The following DPP6 variants were observed in gnomAD, a reference collection of about 807,000 sequenced individuals.
DPP6 encodes the protein A-type potassium channel modulatory protein DPP6.
Under a neutral mutation model 122.6 loss-of-function variants are expected in DPP6, and 69 were observed. The ratio of observed to expected loss-of-function variants is 0.56; its 90% CI spans 0.46 to 0.69. The LOEUF is 0.69. DPP6 is among the 30% of genes least tolerant of loss of function. The pLI, the probability that DPP6 is intolerant of heterozygous loss-of-function variation, is 0.00. For missense variants in DPP6, 928 were observed against 1,116.9 expected (o/e 0.83, Z 2.41); for synonymous variants, 418 against 433.1 (o/e 0.97, Z 0.43).
intron 10 of DPP6, among the ~76,000 whole-genome samples, chr7:154,782,075 C>T (rs919847041): frequency 6.6e-6 from 1 of 152,208 alleles, no homozygotes; most frequent in Non-Finnish European, 1.5e-5. Context: ...TGCTCCCCCA[C>T]GTAATCCATG....
intron 5 of DPP6, among the ~76,000 whole-genome samples, chr7:154,593,330 A>G (rs1206015808): frequency 2.6e-5 from 4 of 152,206 alleles, no homozygotes; most frequent in African/African-American, 9.6e-5. Flanking sequence ...TTGCATGGTT[A>G]ATAATTCTGA....
intron 1 of DPP6, among the ~76,000 whole-genome samples, chr7:154,147,082 G>T (rs1796129095): frequency 6.6e-6 from 1 of 151,972 alleles, no homozygotes; most frequent in Non-Finnish European, 1.5e-5. Context: ...TCTCCTGTCT[G>T]AAAAAACAGG....
At chr7:154,334,741 C>CA (rs1809251996) in intron 1 of DPP6, among the ~76,000 whole-genome samples, 1 of 152,048 alleles carries the variant, frequency 6.6e-6, no homozygotes, top group Non-Finnish European at 1.5e-5. Context: ...ACTAAAAATA[C>CA]AAAAAATAGC....
chr7:154,377,132 C>A (rs1475433517), intron 1 of DPP6, among the ~76,000 whole-genome samples: 1 of 152,164 alleles, frequency 6.6e-6, no homozygotes, highest in Non-Finnish European at 1.5e-5. Context: ...CTCTCTAAGG[C>A]AGGTATTCTT....
chr7:154,675,054 C>T (rs1838799604), intron 7 of DPP6, among the ~76,000 whole-genome samples: 1 of 152,114 alleles, frequency 6.6e-6, no homozygotes, highest in Non-Finnish European at 1.5e-5. Flanking sequence ...AATAGTTTTC[C>T]ACAGAAGGTC....
At chr7:154,374,229 G>T (rs1313472549) in intron 1 of DPP6, among the ~76,000 whole-genome samples, 1 of 152,164 alleles carries the variant, frequency 6.6e-6, no homozygotes, top group Non-Finnish European at 1.5e-5. Flanking sequence ...ATTATTTCAT[G>T]TTTACGAGAT....
intron 10 of DPP6, among the ~76,000 whole-genome samples, chr7:154,778,935 A>C (rs886418077): frequency 3.7e-5 from 5 of 136,088 alleles, no homozygotes; most frequent in African/African-American, 1.4e-4. Flanking sequence ...CACAACCTCT[A>C]CAACTTCCAC....
chr7:154,279,067 G>A (rs1585813262), intron 1 of DPP6, among the ~76,000 whole-genome samples: 1 of 151,728 alleles, frequency 6.6e-6, no homozygotes, highest in East Asian at 1.9e-4. Context: ...ATATGTGTGT[G>A]TGCAGCTGAT....
At chr7:153,797,937 G>A in the DPP6 span, among the ~76,000 whole-genome samples, 1 of 152,092 alleles carries the variant, frequency 6.6e-6, no homozygotes, top group East Asian at 1.9e-4. Flanking sequence ...CGCCTTCTGG[G>A]TTCACGCCAT....
chr7:154,505,485 A>G (rs1322986941), intron 3 of DPP6, among the ~76,000 whole-genome samples: 4 of 152,214 alleles, frequency 2.6e-5, no homozygotes, highest in Non-Finnish European at 4.4e-5. Flanking sequence ...CATCCGGGAC[A>G]CCGCAGTGCA....
intron 22 of DPP6, among the ~76,000 whole-genome samples, chr7:154,887,218 C>CTGA (rs1806220228): frequency 1.3e-5 from 2 of 152,210 alleles, no homozygotes; most frequent in South Asian, 4.1e-4. Context: ...GGAGAAGCCC[C>CTGA]TGACACTCTT....
rs1187557332 is a variant in DPP6, at chr7:154,863,366, G to A, written c.1715-4629G>A. ...AGGATTTTTTTTTTTTTTTGAGATG[G>A]GGGTCTTGCTCTGTCACCTAGGCTC... On this transcript the variant is annotated intron_variant, in intron 17 of 25. Transcript: ENST00000377770. This position sits in a 1 kb window ranked among gnomAD's most constrained non-coding sequence, Gnocchi z 4.1. 1.1e-4 allele frequency among the ~76,000 whole-genome samples: 16 copies of A among 148,048 alleles called. No individual in the cohort carries two copies. The highest frequency in any genetic ancestry group is 6.7e-5 in the Admixed American group (1 of 14,970).
chr7:154,644,286 A>T (rs1241630496), intron 6 of DPP6, among the ~76,000 whole-genome samples: 1 of 152,234 alleles, frequency 6.6e-6, no homozygotes, highest in Admixed American at 6.5e-5. Context: ...AGCTCAGCCA[A>T]TGTAGAAACC....
At chr7:154,238,103 A>G (rs1466469889) in intron 1 of DPP6, among the ~76,000 whole-genome samples, 1 of 152,166 alleles carries the variant, frequency 6.6e-6, no homozygotes, top group African/African-American at 2.4e-5. Context: ...GAGATGTGTT[A>G]TTTGGTATTT....
At position 154,649,559 on chromosome 7, in the gene DPP6, G is replaced by A. The variant is rs1314133471; in HGVS notation, c.680+11686G>A. 2.0e-5 allele frequency among the ~76,000 whole-genome samples: 3 copies of A among 152,182 alleles called. No individual in the cohort carries two copies. In the South Asian group the frequency reaches 6.2e-4, roughly 32 times the overall value. On this transcript the variant is annotated intron_variant, in intron 6 of 25. Transcript: ENST00000377770. ...CCCCTGCCCTCCGCCCGGTCACTGTGTATGGCAGGTGGAATCCACCATGCC... is the reference window on the plus strand; with the variant it reads ...CCCCTGCCCTCCGCCCGGTCACTGTATATGGCAGGTGGAATCCACCATGCC...
In DPP6 at chr7:154,608,332, T is replaced by C. The variant is rs570269882; in HGVS notation, c.628-29489T>C. On this transcript the variant is annotated intron_variant, in intron 5 of 25. Coordinates refer to ENST00000377770, the MANE Select transcript of DPP6 (RefSeq NM_130797.4). Reference sequence around the variant, plus strand: ...TTTTAGGAGTGATCATATATATATATATATATATATTTTGAGATGGAATCT... The same window carrying C: ...TTTTAGGAGTGATCATATATATATACATATATATATTTTGAGATGGAATCT... Among the ~76,000 whole-genome samples the C allele has an allele frequency of 8.0e-4, 98 of 121,848 alleles. 2 individuals carry two copies. Among genetic ancestry groups the C allele is most frequent in the African/African-American group, 2.8e-3 (95 of 34,256 alleles). 79.9% of individuals were successfully genotyped at this position (121,848 alleles called of 152,430 possible).
chr7:154,338,698 C>T (rs1563505914), intron 1 of DPP6, among the ~76,000 whole-genome samples: 1 of 152,272 alleles, frequency 6.6e-6, no homozygotes, highest in Non-Finnish European at 1.5e-5. Flanking sequence ...AGCTTCTTTA[C>T]AAATGTCTGG....
At chr7:154,410,955 T>C (rs1464949614) in intron 1 of DPP6, among the ~76,000 whole-genome samples, 2 of 152,198 alleles carry the variant, frequency 1.3e-5, no homozygotes. Flanking sequence ...TCTTAGAAAT[T>C]AAGACACATG....
At chr7:154,288,888 T>G (rs577644300) in intron 1 of DPP6, among the ~76,000 whole-genome samples, 1 of 152,228 alleles carries the variant, frequency 6.6e-6, no homozygotes, top group Non-Finnish European at 1.5e-5. Context: ...AAAGTTATAC[T>G]TTAGCACAAA....
Sources: gnomAD v4.1 joint callset for allele counts (sites outside exome capture counted in the v4.1 genomes callset) on GRCh38, gnomAD v4.1.1 for gene constraint, Gnocchi (gnomAD v3.1) non-coding constraint, MANE v1.5 for transcripts, NCBI Gene and HGNC (gene_info 2026-07-23, HGNC 2026-07-21) for gene names.